The following SLC12A6 variants were observed in gnomAD, a reference collection of about 807,000 sequenced individuals.
SLC12A6 encodes the protein solute carrier family 12 member 6, also known as K-Cl cotransporter 3.
SLC12A6 carries 66 observed loss-of-function variants against 135.3 expected under a neutral mutation model. The ratio of observed to expected loss-of-function variants is 0.49; its 90% CI spans 0.40 to 0.60. SLC12A6 has a LOEUF of 0.60. Ranked by LOEUF, SLC12A6 falls within the 20% of genes least tolerant of loss-of-function variation. SLC12A6 has a pLI of 0.00. For synonymous variants in SLC12A6, 513 were observed against 508.8 expected (o/e 1.01, Z -0.11); for missense variants, 1,058 against 1,452.3 (o/e 0.73, Z 4.41).
intron 3 of SLC12A6, among the ~76,000 whole-genome samples, chr15:34,266,259 C>T (rs2140827483): frequency 6.6e-6 from 1 of 151,496 alleles, no homozygotes; most frequent in African/African-American, 2.4e-5. Context: ...AAATACTAAC[C>T]AAAAGAAAGC....
Position 34,257,697 on chromosome 15 carries a change from A to T in SLC12A6, c.635T>A (p.Val212Glu), listed in dbSNP as rs1240422733. The change falls in exon 6 of 26, where the codon GTG becomes GAG. Residue 212 changes from valine to glutamate, a missense_variant. Physicochemically the swap from Val to Glu is moderately radical, Grantham distance 121. This residue lies in a region of SLC12A6 where 139 missense variants were observed against 202.2 expected (regional missense o/e 0.69). Coordinates refer to ENST00000354181, the MANE Select transcript of SLC12A6 (RefSeq NM_001365088.1). ...VILFLRLTWV[V>E]GTAGVLQAFA... ...AGCCTGAAGAACTCCAGCTGTGCCC[A>T]CCACCCATGTAAGGCGTAAAAAAAG... 1.2e-6 allele frequency: 2 copies of T among 1,612,914 alleles called. No individual in the cohort carries two copies. Among genetic ancestry groups the T allele is most frequent in the Non-Finnish European group, 1.7e-6 (2 of 1,179,040 alleles).
intron 22 of SLC12A6, chr15:34,237,155 TA>T: frequency 4.3e-6 from 2 of 466,892 alleles, no homozygotes. Flanking sequence ...TTCATAAAAC[TA>T]TATTAAGCAG....
intron 2 of SLC12A6, among the ~76,000 whole-genome samples, chr15:34,306,990 C>G (rs992642205): frequency 5.9e-5 from 9 of 152,162 alleles, no homozygotes; most frequent in African/African-American, 2.2e-4. Flanking sequence ...AAAAAGAGAA[C>G]AGTGGTTGCC....
At chr15:34,281,719 C>T (rs186122321) in intron 2 of SLC12A6, among the ~76,000 whole-genome samples, 65 of 152,160 alleles carry the variant, frequency 4.3e-4, no homozygotes, top group African/African-American at 9.2e-4. Flanking sequence ...ATTCAGGAGG[C>T]GGAGGTTGCA....
intron 2 of SLC12A6, among the ~76,000 whole-genome samples, chr15:34,283,640 T>A (rs1894833464): frequency 6.6e-6 from 1 of 151,964 alleles, no homozygotes; most frequent in Non-Finnish European, 1.5e-5. Flanking sequence ...AGTAACAAAG[T>A]GTTTTTTTTT....
intron 2 of SLC12A6, among the ~76,000 whole-genome samples, chr15:34,280,822 G>GTA (rs1445172307): frequency 1.3e-5 from 2 of 152,272 alleles, no homozygotes; most frequent in East Asian, 3.9e-4. Flanking sequence ...AGTGTGGTAT[G>GTA]TATATACAAT....
intron 2 of SLC12A6, among the ~76,000 whole-genome samples, chr15:34,316,269 T>C (rs75389733): frequency 0.039 from 5,926 of 151,980 alleles, 218 homozygotes; most frequent in African/African-American, 0.099. Context: ...GAAGTGCTTG[T>C]GAAAAAACCA....
At chr15:34,270,716 T>C (rs1235218605) in intron 3 of SLC12A6, among the ~76,000 whole-genome samples, 1 of 151,282 alleles carries the variant, frequency 6.6e-6, no homozygotes, top group African/African-American at 2.4e-5. Flanking sequence ...GGAAGGAGAA[T>C]CACTTGAACC....
chr15:34,325,886 A>T lies in SLC12A6; in HGVS notation c.271+10524T>A, dbSNP rs1234158603. Among the ~76,000 whole-genome samples the T allele has an allele frequency of 3.3e-5, 5 of 152,342 alleles. No homozygotes were observed. The East Asian group carries it at 9.6e-4, about 29-fold the overall frequency. On this transcript the variant is annotated intron_variant, in intron 2 of 25. Transcript: ENST00000354181. ...CAAATTAACTATAGACTCAAAGGCAATACAAAACTAGGATTATACGTCCAA... is the reference window on the plus strand; with the variant it reads ...CAAATTAACTATAGACTCAAAGGCATTACAAAACTAGGATTATACGTCCAA...
intron 2 of SLC12A6, among the ~76,000 whole-genome samples, chr15:34,292,657 G>A (rs1018386918): frequency 2.7e-4 from 41 of 152,190 alleles, no homozygotes; most frequent in Admixed American, 1.9e-3. Context: ...CCCAGTTCGC[G>A]GTTCCCTGCC....
intron 17 of SLC12A6, among the ~76,000 whole-genome samples, chr15:34,241,552 AT>A (rs942859611): frequency 6.6e-5 from 10 of 152,202 alleles, no homozygotes; most frequent in African/African-American, 2.4e-4. Context: ...ACAGTTCCCA[AT>A]AAAGCCTGAA....
intron 23 of SLC12A6, 119 bp from the exon 24 acceptor site, chr15:34,236,318 G>A (rs1463880379): frequency 2.5e-6 from 2 of 793,112 alleles, no homozygotes; most frequent in African/African-American, 1.7e-5. Flanking sequence ...GAAGGAATTT[G>A]TCATCCTTGA....
chr15:34,256,218 G>A lies in SLC12A6; in HGVS notation c.745+11C>T, dbSNP rs1286207076. The A allele has an allele frequency of 3.9e-6, 6 of 1,555,732 alleles. No individual in the cohort carries two copies. The highest frequency in any genetic ancestry group is 5.3e-6 in the Non-Finnish European group (6 of 1,126,986). On this transcript the variant is annotated intron_variant, in intron 7 of 25. Coordinates refer to ENST00000354181, the MANE Select transcript of SLC12A6 (RefSeq NM_001365088.1). ...CTGATAAATCCTGAAATACAACCTT[G>A]ACCTACTAACCTGGCACCACTCCAT... is the stretch of plus-strand genomic sequence containing the variant.
intron 7 of SLC12A6, 147 bp from the exon 8 acceptor site, chr15:34,255,539 AGTGGGAAGTAAAAGGTG>A: frequency 1.7e-6 from 1 of 590,834 alleles, no homozygotes; most frequent in Admixed American, 3.2e-5. Context: ...AAGATGTGCT[AGTGGGAAGTAAAAGGTG>A]AAAGTGTTAT....
chr15:34,253,614 T>C (rs905845788), intron 9 of SLC12A6, among the ~76,000 whole-genome samples: 2 of 151,364 alleles, frequency 1.3e-5, no homozygotes, highest in African/African-American at 4.8e-5. Flanking sequence ...ACTGTCTTTT[T>C]GTCTTGAAAA....
At position 34,336,489 on chromosome 15, in the gene SLC12A6, A is replaced by G; in HGVS notation, c.192T>C (p.Ser64=). 1 of 1,613,702 alleles carries G rather than the reference A, an allele frequency of 6.2e-7. No individual in the cohort carries two copies. Among genetic ancestry groups the G allele is most frequent in the Non-Finnish European group, 8.5e-7 (1 of 1,179,642 alleles). The change falls in exon 2 of 26, where the codon TCT becomes TCC. Residue 64 remains serine (S), a synonymous_variant. Transcript: ENST00000354181. ...TSRSEPMSEM[S]GATTSLATVA... ...CAGTTGCCAGCGAAGTGGTGGCCCC[A>G]GACATCTCACTCATAGGCTCACTCC...
intron 2 of SLC12A6, among the ~76,000 whole-genome samples, chr15:34,298,741 TC>T (rs1896049441): frequency 6.6e-6 from 1 of 152,028 alleles, no homozygotes; most frequent in Non-Finnish European, 1.5e-5. Flanking sequence ...ACCTGATTCT[TC>T]CCCCTTCCTC....
intron 2 of SLC12A6, among the ~76,000 whole-genome samples, chr15:34,335,526 A>G (rs760512470): frequency 6.6e-6 from 1 of 152,258 alleles, no homozygotes; most frequent in Non-Finnish European, 1.5e-5. Context: ...TAGTTACAAC[A>G]CAGCATAAAA....
rs537143155 is a variant in SLC12A6 at position 34,237,084 on chromosome 15, A to T, written c.2935-269T>A. 4.9e-5 allele frequency: 24 copies of T among 489,146 alleles called. No homozygotes were observed. The East Asian group carries it at 9.1e-4, about 19-fold the overall frequency. 30.3% of individuals were successfully genotyped at this position (489,146 alleles called of 1,614,324 possible). ...ATACAAACTCCAGTCTCTCTTTTTT[A>T]TACTGTTAGGTTTTTTTTAAAAGCC... On this transcript the variant is annotated intron_variant, in intron 22 of 25. Transcript: ENST00000354181.
Sources: allele counts gnomAD v4.1 joint callset (sites outside exome capture counted in the v4.1 genomes callset), GRCh38; gene constraint gnomAD v4.1.1; regional missense constraint gnomAD v4.1.1; transcripts MANE v1.5; gene names NCBI Gene and HGNC (gene_info 2026-07-23, HGNC 2026-07-21).